The following FRMD5 variants were observed in gnomAD, a reference collection of about 807,000 sequenced individuals.
The protein encoded by FRMD5 is FERM domain containing 5.
Under a neutral mutation model 69.0 loss-of-function variants are expected in FRMD5, and 20 were observed. The observed-to-expected ratio is 0.29, with a 90% CI of 0.20 to 0.42. The LOEUF (loss-of-function observed/expected upper bound fraction) is 0.42, where lower values mean the gene tolerates loss of function less well. Among genes scored for constraint, FRMD5 ranks in the 10% least tolerant of loss-of-function variants. The probability of loss-of-function intolerance (pLI) is 1.00; values close to 1 mark genes in which losing one functional copy is unlikely to be tolerated. For synonymous variants in FRMD5, 271 were observed against 260.1 expected (o/e 1.04, Z -0.40); for missense variants, 595 against 708.6 (o/e 0.84, Z 1.82).
intron 1 of FRMD5, among the ~76,000 whole-genome samples, chr15:44,109,953 C>T (rs2076774067): frequency 6.6e-6 from 1 of 152,176 alleles, no homozygotes; most frequent in Non-Finnish European, 1.5e-5. Flanking sequence ...TTTAAGTTTC[C>T]TCCATGTCTT....
intron 1 of FRMD5, among the ~76,000 whole-genome samples, chr15:44,128,834 T>TA (rs942657188): frequency 7.9e-4 from 117 of 148,896 alleles, no homozygotes; most frequent in African/African-American, 2.6e-3. Flanking sequence ...TTAAAGGAGC[T>TA]AAAAAAAAGA....
At chr15:44,189,632 G>A (rs2078161117) in intron 1 of FRMD5, among the ~76,000 whole-genome samples, 2 of 152,094 alleles carry the variant, frequency 1.3e-5, no homozygotes, top group East Asian at 3.9e-4. Flanking sequence ...GGGATTACAG[G>A]CATGTAACAG....
At chr15:43,901,334 A>G (rs770238829) in intron 7 of FRMD5, among the ~76,000 whole-genome samples, 4 of 152,192 alleles carry the variant, frequency 2.6e-5, no homozygotes, top group Admixed American at 6.5e-5. Context: ...CTAATATACT[A>G]TTCTTTTAAT....
At chr15:43,991,161 T>C (rs147575096) in intron 1 of FRMD5, among the ~76,000 whole-genome samples, 1 of 152,364 alleles carries the variant, frequency 6.6e-6, no homozygotes, top group African/African-American at 2.4e-5. Context: ...CTGTGATTTT[T>C]ATCATTGTAG....
intron 1 of FRMD5, among the ~76,000 whole-genome samples, chr15:44,173,569 G>A (rs991434848): frequency 6.6e-6 from 1 of 152,124 alleles, no homozygotes; most frequent in Non-Finnish European, 1.5e-5. Flanking sequence ...CCAGGCTGGA[G>A]TGCAGTGGCA....
intron 1 of FRMD5, among the ~76,000 whole-genome samples, chr15:44,027,377 C>A (rs932330189): frequency 4.6e-5 from 7 of 152,076 alleles, no homozygotes; most frequent in Admixed American, 6.5e-5. Context: ...ATATTTAGTT[C>A]CTCTTGTTAT....
intron 1 of FRMD5, among the ~76,000 whole-genome samples, chr15:44,134,027 T>C (rs1216652095): frequency 6.6e-6 from 1 of 152,084 alleles, no homozygotes; most frequent in African/African-American, 2.4e-5. Context: ...GTCAAGGAAC[T>C]CTCTGAAGCA....
intron 1 of FRMD5, among the ~76,000 whole-genome samples, chr15:44,023,576 G>A (rs955849721): frequency 2.0e-5 from 3 of 152,050 alleles, no homozygotes; most frequent in African/African-American, 4.8e-5. Flanking sequence ...CAACTTAAAC[G>A]TCTAGACTTA....
At chr15:44,013,509 G>C (rs1890818157) in intron 1 of FRMD5, among the ~76,000 whole-genome samples, 1 of 152,182 alleles carries the variant, frequency 6.6e-6, no homozygotes, top group South Asian at 2.1e-4. Flanking sequence ...CTTGCACATG[G>C]TGTTCTAAAA....
At chr15:43,954,045 C>T (rs2140519953) in intron 1 of FRMD5, among the ~76,000 whole-genome samples, 1 of 152,286 alleles carries the variant, frequency 6.6e-6, no homozygotes, top group South Asian at 2.1e-4. Context: ...GTAGAATGAT[C>T]ATTACAAGAG....
chr15:44,194,790 G>T (rs1188271489), intron 1 of FRMD5, 163 bp downstream of exon 1: 1 of 713,370 alleles, frequency 1.4e-6, no homozygotes, highest in Non-Finnish European at 2.5e-6. Flanking sequence ...CAGGGGCTCC[G>T]GTGAAGACGC....
intron 1 of FRMD5, among the ~76,000 whole-genome samples, chr15:44,126,718 C>T (rs1434262450): frequency 6.6e-6 from 1 of 152,170 alleles, no homozygotes. Context: ...ATTCTCTTTA[C>T]CAGCCCATTG....
At chr15:44,014,998 T>C (rs944173526) in intron 1 of FRMD5, among the ~76,000 whole-genome samples, 1 of 152,148 alleles carries the variant, frequency 6.6e-6, no homozygotes, top group Non-Finnish European at 1.5e-5. Context: ...AAAACCATAG[T>C]ACTATCTTCA....
intron 1 of FRMD5, among the ~76,000 whole-genome samples, chr15:44,163,182 A>G (rs985392396): frequency 6.8e-6 from 1 of 147,794 alleles, no homozygotes; most frequent in African/African-American, 2.7e-5. Context: ...TCAAAAAAAC[A>G]AAACAAAAAA....
At chr15:44,062,779 A>C (rs904527229) in intron 1 of FRMD5, among the ~76,000 whole-genome samples, 1 of 152,186 alleles carries the variant, frequency 6.6e-6, no homozygotes, top group Middle Eastern at 3.4e-3. Context: ...GGTATCCTCA[A>C]TGGGTCCTGG....
chr15:44,132,144 A>G (rs774756057), intron 1 of FRMD5, among the ~76,000 whole-genome samples: 18 of 152,292 alleles, frequency 1.2e-4, no homozygotes, highest in Non-Finnish European at 2.4e-4. Context: ...AAAAGGGTTC[A>G]CGCTCCTTTG....
intron 1 of FRMD5, 155 bp downstream of exon 1, chr15:44,194,798 C>T: frequency 1.4e-6 from 1 of 729,434 alleles, no homozygotes; most frequent in East Asian, 2.8e-5. Flanking sequence ...CCGGTGAAGA[C>T]GCCCTGCACT....
chr15:44,117,782 C>T (rs531830750), intron 1 of FRMD5, among the ~76,000 whole-genome samples: 20 of 152,132 alleles, frequency 1.3e-4, no homozygotes, highest in African/African-American at 4.8e-4. Flanking sequence ...AATCAGGGGA[C>T]CTAGCAGCTG....
chr15:44,146,489 T>G (rs547842579), intron 1 of FRMD5, among the ~76,000 whole-genome samples: 6 of 152,328 alleles, frequency 3.9e-5, no homozygotes, highest in African/African-American at 1.4e-4. Flanking sequence ...CAGAAAGATT[T>G]ATATTCATTG....
Sources: gnomAD v4.1 joint callset for allele counts (sites outside exome capture counted in the v4.1 genomes callset) on GRCh38, gnomAD v4.1.1 for gene constraint, MANE v1.5 for transcripts, NCBI Gene and HGNC (gene_info 2026-07-23, HGNC 2026-07-21) for gene names.